The following FSTL5 variants were observed in gnomAD, a reference collection of about 807,000 sequenced individuals.
FSTL5 encodes follistatin like 5, also known as follistatin-related protein 5.
A neutral mutation model predicts 89.1 loss-of-function variants in FSTL5; 62 were observed. That is an observed-to-expected ratio of 0.70 (90% CI 0.57 to 0.86). The LOEUF (loss-of-function observed/expected upper bound fraction) is 0.86, where lower values mean the gene tolerates loss of function less well. Among genes scored for constraint, FSTL5 ranks in the 40% least tolerant of loss-of-function variants. FSTL5 has a pLI of 0.00. For missense variants in FSTL5, 1,057 were observed against 1,001.6 expected (o/e 1.06, Z -0.75); for synonymous variants, 383 against 346.2 (o/e 1.11, Z -1.18).
chr4:161,919,480 G>A (rs1293254776), intron 4 of FSTL5, among the ~76,000 whole-genome samples: 1 of 152,130 alleles, frequency 6.6e-6, no homozygotes, highest in Non-Finnish European at 1.5e-5. Flanking sequence ...ACCTTAATAG[G>A]TGGATGAGTG....
At chr4:161,698,744 G>A (rs138015506) in intron 6 of FSTL5, among the ~76,000 whole-genome samples, 18 of 151,992 alleles carry the variant, frequency 1.2e-4, no homozygotes, top group Admixed American at 6.6e-5. Context: ...CGTGGCCAAC[G>A]TGGTGAAACC....
intron 15 of FSTL5, among the ~76,000 whole-genome samples, chr4:161,424,055 T>G (rs1218888301): frequency 7.0e-6 from 1 of 143,412 alleles, no homozygotes; most frequent in African/African-American, 2.6e-5. Flanking sequence ...TTTTTTGTAT[T>G]TTTAGTAGAG....
chr4:162,113,695 A>T (rs778200634), intron 1 of FSTL5, among the ~76,000 whole-genome samples: 4 of 152,148 alleles, frequency 2.6e-5, no homozygotes, highest in Non-Finnish European at 5.9e-5. Flanking sequence ...CTCTGCTATA[A>T]GGCTTTTGTA....
intron 3 of FSTL5, among the ~76,000 whole-genome samples, chr4:162,019,909 T>G (rs1346020908): frequency 6.7e-6 from 1 of 149,706 alleles, no homozygotes; most frequent in Non-Finnish European, 1.5e-5. Context: ...TTACAAAACT[T>G]TAGAGACATT....
intron 2 of FSTL5, among the ~76,000 whole-genome samples, chr4:162,086,447 T>C (rs1730321146): frequency 6.6e-6 from 1 of 151,848 alleles, no homozygotes; most frequent in Non-Finnish European, 1.5e-5. Context: ...CATGGCAACG[T>C]TAACAATTTA....
At chr4:161,842,549 T>C (rs759245570) in intron 4 of FSTL5, among the ~76,000 whole-genome samples, 3 of 152,132 alleles carry the variant, frequency 2.0e-5, no homozygotes, top group Non-Finnish European at 4.4e-5. Flanking sequence ...TTGCCCCTAA[T>C]TAATGTCACT....
At chr4:161,684,336 T>C (rs1737631883) in intron 6 of FSTL5, among the ~76,000 whole-genome samples, 1 of 152,180 alleles carries the variant, frequency 6.6e-6, no homozygotes, top group Admixed American at 6.5e-5. Flanking sequence ...CTTTTAGATC[T>C]TTAAGGAATT....
intron 8 of FSTL5, among the ~76,000 whole-genome samples, chr4:161,543,507 C>T (rs1430345707): frequency 6.6e-6 from 1 of 151,584 alleles, no homozygotes; most frequent in East Asian, 1.9e-4. Flanking sequence ...TACAGGAGAC[C>T]CCCAAGTGGT....
intron 11 of FSTL5, among the ~76,000 whole-genome samples, chr4:161,508,361 A>C (rs1330558017): frequency 6.6e-6 from 1 of 152,126 alleles, no homozygotes; most frequent in Non-Finnish European, 1.5e-5. Context: ...TGTTATGATA[A>C]CTGTATGTAG....
chr4:162,106,024 A>G (rs1187768250), intron 2 of FSTL5, among the ~76,000 whole-genome samples: 4 of 152,158 alleles, frequency 2.6e-5, no homozygotes, highest in Non-Finnish European at 5.9e-5. Context: ...CTCTTCACCA[A>G]TCCACATCTA....
chr4:161,840,819 TGA>T (rs1160203032), intron 4 of FSTL5, among the ~76,000 whole-genome samples: 1 of 152,200 alleles, frequency 6.6e-6, no homozygotes, highest in Non-Finnish European at 1.5e-5. Context: ...GAAATGACTC[TGA>T]GAAGCTGCCT....
chr4:161,591,458 G>T (rs1733819189), intron 7 of FSTL5, among the ~76,000 whole-genome samples: 1 of 152,070 alleles, frequency 6.6e-6, no homozygotes, highest in Non-Finnish European at 1.5e-5. Context: ...TTAATTTTAT[G>T]GTTTGTGGAG....
At chr4:161,387,641 A>G (rs1340696328) in intron 15 of FSTL5, 1 of 152,050 alleles carries the variant, frequency 6.6e-6, no homozygotes, top group Non-Finnish European at 1.5e-5. Flanking sequence ...CAAGCTCAAA[A>G]ATATAAATAA....
At chr4:161,875,812 G>T (rs1054984995) in intron 4 of FSTL5, among the ~76,000 whole-genome samples, 5 of 152,128 alleles carry the variant, frequency 3.3e-5, no homozygotes, top group African/African-American at 1.2e-4. Context: ...GGGCATCAGA[G>T]ATTTTTTTCA....
chr4:161,530,110 GTTAA>G (rs1301913227), intron 10 of FSTL5, among the ~76,000 whole-genome samples: 1 of 142,512 alleles, frequency 7.0e-6, no homozygotes, highest in Admixed American at 7.5e-5. Context: ...GACTAAAGAG[GTTAA>G]TTAATTTGTT....
At chr4:161,842,159 G>A (rs769967821) in intron 4 of FSTL5, among the ~76,000 whole-genome samples, 1 of 152,108 alleles carries the variant, frequency 6.6e-6, no homozygotes, top group Admixed American at 6.6e-5. Flanking sequence ...GAACCTTTCC[G>A]TGTGTAATTA....
intron 3 of FSTL5, among the ~76,000 whole-genome samples, chr4:161,993,830 T>G (rs1736209022): frequency 6.6e-6 from 1 of 152,162 alleles, no homozygotes; most frequent in Non-Finnish European, 1.5e-5. Flanking sequence ...TAAAAATAGT[T>G]GTCTAATGTG....
intron 8 of FSTL5, among the ~76,000 whole-genome samples, chr4:161,570,496 G>A (rs1732967265): frequency 6.6e-6 from 1 of 152,130 alleles, no homozygotes; most frequent in Non-Finnish European, 1.5e-5. Context: ...AACATTTACG[G>A]TTATTTAGGG....
intron 15 of FSTL5, among the ~76,000 whole-genome samples, chr4:161,398,220 C>T (rs963493123): frequency 2.0e-5 from 3 of 151,990 alleles, no homozygotes; most frequent in African/African-American, 7.2e-5. Flanking sequence ...TTTATTGCAG[C>T]ACTGGTTGCA....
Sources: gnomAD v4.1 joint callset for allele counts (sites outside exome capture counted in the v4.1 genomes callset) on GRCh38, gnomAD v4.1.1 for gene constraint, MANE v1.5 for transcripts, NCBI Gene and HGNC (gene_info 2026-07-23, HGNC 2026-07-21) for gene names.